Variants in RABGAP1 observed in about 807,000 individuals in gnomAD.
RABGAP1 encodes RAB GTPase activating protein 1, also known as rab GTPase-activating protein 1.
Under a neutral mutation model 137.6 loss-of-function variants are expected in RABGAP1, and 23 were observed. That is an observed-to-expected ratio of 0.17 (90% CI 0.12 to 0.24). The LOEUF (loss-of-function observed/expected upper bound fraction) is 0.24, where lower values mean the gene tolerates loss of function less well. Ranked by LOEUF, RABGAP1 falls within the 10% of genes least tolerant of loss-of-function variation. The pLI, the probability that RABGAP1 is intolerant of heterozygous loss-of-function variation, is 1.00. For missense variants in RABGAP1, 906 were observed against 1,275.8 expected, an observed-to-expected ratio of 0.71 and a Z score of 4.42; for synonymous variants, 451 against 450.7, an observed-to-expected ratio of 1.00 and a Z score of -0.01.
At position 123,005,827 on chromosome 9, in the gene RABGAP1, T is replaced by C. The variant is rs1019189984; in HGVS notation, c.1375-4527T>C. On this transcript the variant is annotated intron_variant, in intron 10 of 25. Coordinates refer to ENST00000373647, the MANE Select transcript of RABGAP1 (RefSeq NM_012197.4). ...GGTGAACGTACATATGCTATTGTTA[T>C]ATTTGCCAAATTCCCTTCTGTAGAA... is the stretch of plus-strand genomic sequence containing the variant. 2.6e-5 allele frequency among the ~76,000 whole-genome samples: 4 copies of C among 152,250 alleles called. No homozygotes were observed. The East Asian group carries it at 5.8e-4, about 22-fold the overall frequency.
chr9:123,065,763 T>G (rs937977686), intron 14 of RABGAP1, among the ~76,000 whole-genome samples: 1 of 152,240 alleles, frequency 6.6e-6, no homozygotes, highest in Non-Finnish European at 1.5e-5. Flanking sequence ...CTGAGCCCTG[T>G]GACACTGCAG....
chr9:123,039,644 T>C (rs1239897976), intron 13 of RABGAP1, among the ~76,000 whole-genome samples: 2 of 152,208 alleles, frequency 1.3e-5, no homozygotes, highest in East Asian at 1.9e-4. Context: ...TAGATAACTT[T>C]GCTTCTGGAA....
intron 2 of RABGAP1, among the ~76,000 whole-genome samples, chr9:122,969,118 T>A (rs1358860897): frequency 6.6e-6 from 1 of 152,196 alleles, no homozygotes; most frequent in Non-Finnish European, 1.5e-5. Flanking sequence ...AATACCATAT[T>A]TTTATTGTAC....
chr9:122,964,767 G>A (rs1429984891), intron 2 of RABGAP1, among the ~76,000 whole-genome samples: 1 of 152,114 alleles, frequency 6.6e-6, no homozygotes, highest in African/African-American at 2.4e-5. Flanking sequence ...AATGGGAGAG[G>A]ATCACTTGAG....
At chr9:122,964,993 T>A (rs56911761) in intron 2 of RABGAP1, among the ~76,000 whole-genome samples, 1 of 151,992 alleles carries the variant, frequency 6.6e-6, no homozygotes, top group African/African-American at 2.4e-5. Context: ...GGAGACCCTG[T>A]CTCTACTTAG....
intron 10 of RABGAP1, among the ~76,000 whole-genome samples, chr9:123,004,368 G>A (rs1209072984): frequency 2.0e-5 from 3 of 151,860 alleles, no homozygotes; most frequent in Non-Finnish European, 2.9e-5. Flanking sequence ...GCTCGCTACA[G>A]CCTTGACCTC....
At chr9:123,021,969 T>G (rs1326672065) in intron 13 of RABGAP1, among the ~76,000 whole-genome samples, 1 of 152,192 alleles carries the variant, frequency 6.6e-6, no homozygotes, top group Non-Finnish European at 1.5e-5. Context: ...TTGAGATGAA[T>G]TCCAGGTATA....
chr9:122,979,089 G>A (rs968499132), intron 2 of RABGAP1, among the ~76,000 whole-genome samples: 2 of 151,736 alleles, frequency 1.3e-5, no homozygotes, highest in African/African-American at 4.8e-5. Flanking sequence ...GTAGAGTCGG[G>A]GTCTCACCAT....
intron 13 of RABGAP1, among the ~76,000 whole-genome samples, chr9:123,028,167 C>A (rs2032091104): frequency 6.6e-6 from 1 of 152,168 alleles, no homozygotes; most frequent in Non-Finnish European, 1.5e-5. Context: ...AAACAGTTAC[C>A]ATGCTGGGGT....
At chr9:122,993,290 G>A (rs894175678) in intron 6 of RABGAP1, among the ~76,000 whole-genome samples, 6 of 151,970 alleles carry the variant, frequency 3.9e-5, no homozygotes, top group Non-Finnish European at 8.8e-5. Flanking sequence ...ATTATTTTGA[G>A]ACGGAGTTTT....
At chr9:123,037,239 G>C (rs1200713318) in intron 13 of RABGAP1, among the ~76,000 whole-genome samples, 3 of 152,196 alleles carry the variant, frequency 2.0e-5, no homozygotes, top group African/African-American at 7.2e-5. Context: ...CATGATGCCA[G>C]TGTTCTTATG....
chr9:123,098,802 G>A lies in RABGAP1; in HGVS notation c.2817+4G>A. 6.2e-7 allele frequency: 1 copy of A among 1,611,378 alleles called. No homozygotes were observed. The highest frequency in any genetic ancestry group is 1.3e-5 in the African/African-American group (1 of 74,922). On this transcript the variant is annotated splice_donor_region_variant and intron_variant, in intron 23 of 25. Coordinates refer to ENST00000373647, the MANE Select transcript of RABGAP1 (RefSeq NM_012197.4). ...TATCATTGGTGACTATAAGCAGGTA[G>A]GTTCCAGTACCCTGGGATTGGGCTG... is the stretch of plus-strand genomic sequence containing the variant.
At chr9:123,068,210 C>T (rs940459000) in intron 14 of RABGAP1, among the ~76,000 whole-genome samples, 1 of 151,902 alleles carries the variant, frequency 6.6e-6, no homozygotes, top group African/African-American at 2.4e-5. Context: ...ATTAGCTGGG[C>T]ATGGTGGTGG....
Position 123,020,384 on chromosome 9 carries a change from A to G in RABGAP1, c.1719A>G (p.Gly573=), listed in dbSNP as rs41278246. The G allele has an allele frequency of 0.02, 31,977 of 1,607,454 alleles. 530 individuals carry two copies. The highest frequency in any genetic ancestry group is 0.062 in the South Asian group (5,552 of 89,100). The part of the protein sequence containing the change: ...VRNGVPEALR[G]EVWQLLAGCH... Reference sequence around the variant, plus strand: ...ACGGTGTCCCTGAAGCTCTTCGAGGAGAAGTCTGGCAGCTGCTAGCAGGCT... The same window carrying G: ...ACGGTGTCCCTGAAGCTCTTCGAGGGGAAGTCTGGCAGCTGCTAGCAGGCT... Residue 573 remains glycine, a synonymous_variant, in exon 13 of 26, where the codon GGA becomes GGG. Coordinates refer to ENST00000373647, the MANE Select transcript of RABGAP1 (RefSeq NM_012197.4).
intron 10 of RABGAP1, among the ~76,000 whole-genome samples, chr9:123,006,501 A>G (rs2030278286): frequency 6.6e-6 from 1 of 152,182 alleles, no homozygotes; most frequent in South Asian, 2.1e-4. Context: ...TACACTTATC[A>G]TATATGAAAT....
At chr9:123,079,126 A>T (rs1431011894) in intron 19 of RABGAP1, among the ~76,000 whole-genome samples, 1 of 151,592 alleles carries the variant, frequency 6.6e-6, no homozygotes, top group Non-Finnish European at 1.5e-5. Flanking sequence ...CCTCTGCTTG[A>T]ATTTGCCTCA....
intron 13 of RABGAP1, among the ~76,000 whole-genome samples, chr9:123,027,141 G>A (rs541631586): frequency 1.6e-5 from 2 of 125,520 alleles, no homozygotes; most frequent in Non-Finnish European, 3.1e-5. Context: ...ACGGACTCTC[G>A]CTCTCTCGCT....
intron 17 of RABGAP1, 121 bp from the exon 18 acceptor site, chr9:123,076,124 G>A (rs2034501865): frequency 3.9e-6 from 4 of 1,015,444 alleles, no homozygotes; most frequent in African/African-American, 3.3e-5. Context: ...GTAGTTCTGA[G>A]ATAATGCATT....
At position 123,026,049 on chromosome 9, in the gene RABGAP1, C is replaced by T. The variant is rs548020617; in HGVS notation, c.1794+5590C>T. Among the ~76,000 whole-genome samples, 83 of 140,860 alleles carry T rather than the reference C, an allele frequency of 5.9e-4. 1 individual carries two copies. The highest frequency in any genetic ancestry group is 1.1e-3 in the Non-Finnish European group (72 of 66,788). 92.4% of individuals were successfully genotyped at this position (140,860 alleles called of 152,430 possible). Reference sequence around the variant, plus strand: ...GGTAAACAGTTTGTTTTTGGCCGGGCGCAGTGGCTCACGCCTGTAATCCCA... The same window carrying T: ...GGTAAACAGTTTGTTTTTGGCCGGGTGCAGTGGCTCACGCCTGTAATCCCA... On this transcript the variant is annotated intron_variant, in intron 13 of 25. Coordinates refer to ENST00000373647, the MANE Select transcript of RABGAP1 (RefSeq NM_012197.4).
Sources: allele counts gnomAD v4.1 joint callset (sites outside exome capture counted in the v4.1 genomes callset), GRCh38; gene constraint gnomAD v4.1.1; transcripts MANE v1.5; gene names NCBI Gene and HGNC (gene_info 2026-07-23, HGNC 2026-07-21).